Variants in CELF1 observed in about 807,000 individuals in gnomAD.
The protein encoded by CELF1 is CUGBP Elav-like family member 1.
In CELF1, 10 loss-of-function variants were observed where a neutral mutation model predicts 61.8. The ratio of observed to expected loss-of-function variants is 0.16; its 90% confidence interval spans 0.10 to 0.27. The LOEUF (loss-of-function observed/expected upper bound fraction) is 0.27, where lower values mean the gene tolerates loss of function less well. Ranked by LOEUF, CELF1 falls within the 10% of genes least tolerant of loss-of-function variation. The pLI is 1.00. For synonymous variants in CELF1, 236 were observed against 225.1 expected (o/e 1.05, Z -0.43); for missense variants, 380 against 639.1 (o/e 0.59, Z 4.37).
At chr11:47,521,371 T>C (rs2153654836) in intron 1 of CELF1, among the ~76,000 whole-genome samples, 1 of 152,360 alleles carries the variant, frequency 6.6e-6, no homozygotes, top group South Asian at 2.1e-4. Context: ...GTTAGACTGA[T>C]TCATAATTTA....
At chr11:47,542,931 A>G (rs2096846098) in intron 1 of CELF1, among the ~76,000 whole-genome samples, 1 of 152,072 alleles carries the variant, frequency 6.6e-6, no homozygotes, top group East Asian at 1.9e-4. Flanking sequence ...ACAGGTGTTC[A>G]AGACTAGGAG....
intron 1 of CELF1, among the ~76,000 whole-genome samples, chr11:47,549,811 G>GTT (rs1157763467): frequency 7.5e-6 from 1 of 133,216 alleles, no homozygotes; most frequent in Non-Finnish European, 1.7e-5. Context: ...AATGTTGTGG[G>GTT]TTTTTTTTGT....
At chr11:47,497,160 C>CA (rs1223000972) in intron 3 of CELF1, among the ~76,000 whole-genome samples, 2 of 152,128 alleles carry the variant, frequency 1.3e-5, no homozygotes, top group Non-Finnish European at 2.9e-5. Context: ...GTGGGGAAGT[C>CA]TCTAGATGAA....
At chr11:47,493,513 G>GAAAAAAAAAAAAAAAAAAAA (rs35976407) in intron 3 of CELF1, among the ~76,000 whole-genome samples, 1 of 84,912 alleles carries the variant, frequency 1.2e-5, no homozygotes, top group Non-Finnish European at 2.3e-5. Context: ...ATCTCAAAAA[G>GAAAAAAAAAAAAAAAAAAAA]AAAAAAAAAA....
intron 1 of CELF1, among the ~76,000 whole-genome samples, chr11:47,564,891 TTAAGGATA>T (rs775774261): frequency 2.0e-5 from 3 of 152,248 alleles, no homozygotes; most frequent in Admixed American, 6.5e-5. Context: ...AATATTTTTC[TTAAGGATA>T]TATTAATATA....
intron 1 of CELF1, among the ~76,000 whole-genome samples, chr11:47,541,686 CAAAGAAAG>C (rs1555190315): frequency 8.6e-5 from 1 of 11,648 alleles, no homozygotes; most frequent in African/African-American, 1.3e-4. Flanking sequence ...GCGAGACTGT[CAAAGAAAG>C]AAAGAAAGAA....
intron 1 of CELF1, among the ~76,000 whole-genome samples, chr11:47,533,631 A>AAATC (rs1565896017): frequency 3.4e-5 from 1 of 29,398 alleles, no homozygotes; most frequent in African/African-American, 1.1e-4. Flanking sequence ...TCAAAAAATA[A>AAATC]ATAAATACAT....
chr11:47,528,307 T>G (rs2096331881), intron 1 of CELF1, among the ~76,000 whole-genome samples: 1 of 152,124 alleles, frequency 6.6e-6, no homozygotes, highest in East Asian at 1.9e-4. Flanking sequence ...CCATTGACAT[T>G]TCATAAATTC....
chr11:47,533,217 T>G (rs1335696068), intron 1 of CELF1, among the ~76,000 whole-genome samples: 1 of 152,132 alleles, frequency 6.6e-6, no homozygotes, highest in African/African-American at 2.4e-5. Flanking sequence ...CCAAGCGCAG[T>G]GACTCACGCC....
intron 1 of CELF1, among the ~76,000 whole-genome samples, chr11:47,541,721 A>T (rs1448191720): frequency 4.7e-5 from 1 of 21,254 alleles, no homozygotes; most frequent in African/African-American, 1.5e-4. Context: ...AAAGAAAGAA[A>T]GAAAGAACGA....
At chr11:47,524,992 T>C (rs1482227581) in intron 1 of CELF1, among the ~76,000 whole-genome samples, 5 of 152,146 alleles carry the variant, frequency 3.3e-5, no homozygotes, top group Non-Finnish European at 5.9e-5. Context: ...CCACGGGAAA[T>C]GGAAAAGACA....
At chr11:47,491,164 A>C (rs566950236) in intron 3 of CELF1, among the ~76,000 whole-genome samples, 1 of 142,336 alleles carries the variant, frequency 7.0e-6, no homozygotes, top group Non-Finnish European at 1.5e-5. Flanking sequence ...TGCCCAGCCT[A>C]TTTCTTTATT....
At chr11:47,482,932 A>G in intron 8 of CELF1, 76 bp from the exon 9 acceptor site, 1 of 1,329,522 alleles carries the variant, frequency 7.5e-7, no homozygotes, top group Non-Finnish European at 1.0e-6. Flanking sequence ...TTTGGATGAC[A>G]TGCAGGTTAC....
intron 9 of CELF1, among the ~76,000 whole-genome samples, chr11:47,480,456 C>T (rs1056239477): frequency 6.6e-6 from 1 of 152,116 alleles, no homozygotes; most frequent in Non-Finnish European, 1.5e-5. Flanking sequence ...TGTACTTGGT[C>T]CCTTCATTTC....
intron 1 of CELF1, among the ~76,000 whole-genome samples, chr11:47,550,650 T>A (rs1267362601): frequency 1.3e-5 from 2 of 152,026 alleles, no homozygotes; most frequent in African/African-American, 2.4e-5. Flanking sequence ...CTCTGAGTGG[T>A]GGCACTATGG....
chr11:47,514,703 A>AAAG (rs2095453537), intron 1 of CELF1: 1 of 151,808 alleles, frequency 6.6e-6, no homozygotes, highest in African/African-American at 2.4e-5. Context: ...AAAAAAAAAA[A>AAAG]AAAAAAAAAT....
chr11:47,558,522 T>C (rs1305032834), intron 2 of CELF1, among the ~76,000 whole-genome samples: 96 of 122,698 alleles, frequency 7.8e-4, no homozygotes, highest in African/African-American at 3.0e-3. Flanking sequence ...ATAATATATG[T>C]ATATGTATAT....
At chr11:47,498,147 CAA>C (rs2093431319) in intron 3 of CELF1, among the ~76,000 whole-genome samples, 1 of 152,172 alleles carries the variant, frequency 6.6e-6, no homozygotes, top group Admixed American at 6.5e-5. Context: ...AGATCCACTT[CAA>C]AAGAGTAAGA....
intron 1 of CELF1, among the ~76,000 whole-genome samples, chr11:47,539,910 C>A (rs1018295212): frequency 6.6e-6 from 1 of 152,218 alleles, no homozygotes; most frequent in Admixed American, 6.5e-5. Context: ...TGCATACCAG[C>A]ATCTGATTTT....
Sources: allele counts gnomAD v4.1 joint callset (sites outside exome capture counted in the v4.1 genomes callset), GRCh38; gene constraint gnomAD v4.1.1; transcripts MANE v1.5; gene names NCBI Gene and HGNC (gene_info 2026-07-23, HGNC 2026-07-21).